GNAO1: variants seen among roughly 807,000 people sequenced by gnomAD.
The protein encoded by GNAO1 is G protein subunit alpha o1.
For missense variants in GNAO1, 166 were observed against 478.7 expected (o/e 0.35, Z 6.10); for synonymous variants, 164 against 180.7 (o/e 0.91, Z 0.74).
At chr16:56,347,961 T>A in intron 6 of GNAO1, 2 of 879,098 alleles carry the variant, frequency 2.3e-6, no homozygotes, top group Non-Finnish European at 2.6e-6. Context: ...CGCACCCCCC[T>A]CCCCCATCTA....
In GNAO1 at chr16:56,354,023, G is replaced by A. The variant is rs1489672885; in HGVS notation, c.878-843G>A. On this transcript the variant is annotated intron_variant, in intron 7 of 8. Coordinates refer to ENST00000262493, the MANE Select transcript of GNAO1 (RefSeq NM_020988.3). The surrounding 1 kb of genome is among the most constrained non-coding windows in gnomAD (Gnocchi z 4.3). ...TCCTGGCCACTCGCTTAAGAACCAC[G>A]CCTACTAATGATATGCTGCCAGCCC... is the stretch of plus-strand genomic sequence containing the variant. 2.0e-5 allele frequency among the ~76,000 whole-genome samples: 3 copies of A among 152,204 alleles called. No homozygotes were observed. The highest frequency in any genetic ancestry group is 4.8e-5 in the African/African-American group (2 of 41,460).
intron 2 of GNAO1, among the ~76,000 whole-genome samples, chr16:56,197,224 G>A (rs920520046): frequency 4.6e-5 from 7 of 152,218 alleles, no homozygotes; most frequent in South Asian, 2.1e-4. Flanking sequence ...AGGGTCGCAC[G>A]TTGGGTTAGT....
At chr16:56,224,871 T>C (rs570337029) in intron 2 of GNAO1, among the ~76,000 whole-genome samples, 5 of 152,356 alleles carry the variant, frequency 3.3e-5, no homozygotes, top group South Asian at 4.1e-4. Flanking sequence ...TGGACACTTA[T>C]AAGGTCTCAA....
intron 4 of GNAO1, 24 bp from the exon 5 acceptor site, chr16:56,334,704 GT>G (rs2037723443): frequency 6.2e-7 from 1 of 1,613,470 alleles, no homozygotes; most frequent in Non-Finnish European, 8.5e-7. Context: ...TTGGTCCATA[GT>G]CCCCTGTTTG....
intron 6 of GNAO1, chr16:56,346,847 G>A: frequency 1.0e-6 from 1 of 985,514 alleles, no homozygotes; most frequent in Non-Finnish European, 1.2e-6. Flanking sequence ...CAACTTGCAA[G>A]CCCTGTAACT....
intron 2 of GNAO1, among the ~76,000 whole-genome samples, chr16:56,200,745 A>G (rs2036275329): frequency 6.6e-6 from 1 of 152,198 alleles, no homozygotes. Context: ...GGCTGAGAGA[A>G]TAGAAAGTGC....
chr16:56,229,372 T>C (rs1441920348), intron 2 of GNAO1, among the ~76,000 whole-genome samples: 1 of 151,924 alleles, frequency 6.6e-6, no homozygotes, highest in African/African-American at 2.4e-5. Context: ...GCCTGACTAA[T>C]TTTTTTTGTA....
chr16:56,253,205 G>C (rs2036815809), intron 2 of GNAO1, among the ~76,000 whole-genome samples: 1 of 152,160 alleles, frequency 6.6e-6, no homozygotes, highest in Admixed American at 6.5e-5. Context: ...GCCTGGCTCT[G>C]GTGCCAGGAC....
rs1347314333 is a variant in GNAO1 at position 56,191,540 on chromosome 16, C to G, written c.-696C>G. On this transcript the variant is annotated 5_prime_UTR_variant, in exon 1 of 9. Transcript: ENST00000262493. This position sits in a 1 kb window ranked among gnomAD's most constrained non-coding sequence, Gnocchi z 4.7. ...GCTGGCTGCGGCTCCCTGGCGCTCT[C>G]CCTCTCTCTCCGGTAGGCTCACCGA... is the stretch of plus-strand genomic sequence containing the variant. 1 of 151,432 alleles carries G rather than the reference C, an allele frequency of 6.6e-6. No individual in the cohort carries two copies. The highest frequency in any genetic ancestry group is 6.6e-5 in the Admixed American group (1 of 15,234). 9.4% of individuals were successfully genotyped at this position (151,432 alleles called of 1,614,324 possible). A position where few individuals can be genotyped will look rare whatever the true frequency, so the allele number is the denominator to read the frequency against.
At chr16:56,233,823 C>T (rs1206272984) in intron 2 of GNAO1, among the ~76,000 whole-genome samples, 2 of 152,216 alleles carry the variant, frequency 1.3e-5, no homozygotes, top group African/African-American at 4.8e-5. Context: ...TCCCCAAAGG[C>T]TCCATGCCCC....
intron 3 of GNAO1, among the ~76,000 whole-genome samples, chr16:56,324,883 G>A (rs771036578): frequency 2.2e-4 from 33 of 152,264 alleles, no homozygotes; most frequent in Non-Finnish European, 4.0e-4. Context: ...CTTTCTCACT[G>A]CCCTTCTGCA....
At chr16:56,324,728 G>C (rs377645637) in intron 3 of GNAO1, among the ~76,000 whole-genome samples, 1 of 152,234 alleles carries the variant, frequency 6.6e-6, no homozygotes, top group Non-Finnish European at 1.5e-5. Context: ...CAGTGAGGGC[G>C]AAGTCAGACC....
intron 2 of GNAO1, among the ~76,000 whole-genome samples, chr16:56,254,783 C>G (rs1375470327): frequency 1.3e-5 from 2 of 152,152 alleles, no homozygotes; most frequent in African/African-American, 4.8e-5. Flanking sequence ...CAAATTTCAT[C>G]TTTTCCCCAT....
rs1485731893 is a variant in GNAO1 at position 56,344,978 on chromosome 16, C to T, written c.724-6406C>T. 1.3e-5 allele frequency: 13 copies of T among 982,204 alleles called. No individual in the cohort carries two copies. The Admixed American group carries it at 3.9e-4, about 29-fold the overall frequency. 60.8% of individuals were successfully genotyped at this position (982,204 alleles called of 1,614,324 possible). On this transcript the variant is annotated intron_variant, in intron 6 of 8. Transcript: ENST00000262493. ...TTCACAGCCGTTGGTGTCTTCCCAG[C>T]CCCTGGGGACAGAGGACAGCAGGGG...
chr16:56,246,731 T>C (rs1408267338), intron 2 of GNAO1, among the ~76,000 whole-genome samples: 1 of 152,152 alleles, frequency 6.6e-6, no homozygotes, highest in East Asian at 1.9e-4. Flanking sequence ...CCAGTGATCA[T>C]TGCTAGTCTG....
chr16:56,328,839 G>A, intron 4 of GNAO1, 48 bp downstream of exon 4: 5 of 1,582,738 alleles, frequency 3.2e-6, no homozygotes, highest in East Asian at 2.2e-5. Context: ...AGTGATGCGG[G>A]AGTGGAAGGG....
At chr16:56,334,964 A>C in intron 5 of GNAO1, 107 bp downstream of exon 5, 2 of 1,251,756 alleles carry the variant, frequency 1.6e-6, no homozygotes, top group South Asian at 2.7e-5. Context: ...TGCCCCAGGG[A>C]ACCTGCGGGC....
At chr16:56,353,995 A>G (rs1260041984) in intron 7 of GNAO1, among the ~76,000 whole-genome samples, 3 of 152,190 alleles carry the variant, frequency 2.0e-5, no homozygotes, top group Admixed American at 1.3e-4. Flanking sequence ...CAATGCCCCA[A>G]TGTCCTGGCC....
At chr16:56,343,670 G>T (rs2037829006) in intron 6 of GNAO1, 1 of 995,192 alleles carries the variant, frequency 1.0e-6, no homozygotes, top group Non-Finnish European at 1.5e-6. Flanking sequence ...GAGGCCCAAG[G>T]CCGGATGGCC....
Sources: gnomAD v4.1 joint callset for allele counts (sites outside exome capture counted in the v4.1 genomes callset) on GRCh38, gnomAD v4.1.1 for gene constraint, Gnocchi (gnomAD v3.1) non-coding constraint, MANE v1.5 for transcripts, NCBI Gene and HGNC (gene_info 2026-07-23, HGNC 2026-07-21) for gene names.